NUP88: variants seen among roughly 807,000 people sequenced by gnomAD.
NUP88 encodes nuclear pore complex protein Nup88.
Under a neutral mutation model 93.9 loss-of-function variants are expected in NUP88, and 57 were observed. The ratio of observed to expected loss-of-function variants is 0.61; its 90% CI spans 0.49 to 0.76. The LOEUF (loss-of-function observed/expected upper bound fraction) is 0.76. Ranked by LOEUF, NUP88 falls within the 30% of genes least tolerant of loss-of-function variation. The probability of loss-of-function intolerance (pLI) is 0.00; values close to 1 mark genes in which losing one functional copy is unlikely to be tolerated. For missense variants in NUP88, 911 were observed against 901.0 expected (o/e 1.01, Z -0.14); for synonymous variants, 346 against 336.8 (o/e 1.03, Z -0.30).
rs745395510 is a variant in NUP88, at chr17:5,419,401, G to A, written c.250C>T (p.Arg84Trp). Reference protein sequence around the residue: ...EDSSFLVVRLRGPSGGGEEPA... With the variant: ...EDSSFLVVRLWGPSGGGEEPA... ...TCTTCGCCGCCGCCGCTGGGGCCCC[G>A]AAGGCGAACGACTAAGAAGGAGCTG... Residue 84 changes from arginine to tryptophan, a missense_variant, in exon 1 of 17, where the codon CGG (arginine) becomes TGG (tryptophan). Transcript: ENST00000573584. 6.2e-7 allele frequency: 1 copy of A among 1,610,342 alleles called. No homozygotes were observed. The highest frequency in any genetic ancestry group is 1.1e-5 in the South Asian group (1 of 90,906).
intron 16 of NUP88, 79 bp downstream of exon 16, chr17:5,386,629 T>C: frequency 1.0e-6 from 1 of 971,468 alleles, no homozygotes; most frequent in Non-Finnish European, 1.7e-6. Flanking sequence ...TTCAGGTTTC[T>C]ATTAAGACAG....
chr17:5,395,080 GA>G, intron 8 of NUP88, 99 bp from the exon 9 acceptor site: 1 of 737,486 alleles, frequency 1.4e-6, no homozygotes, highest in South Asian at 1.6e-5. Flanking sequence ...GTTCTTGTCT[GA>G]AAACATTGCT....
intron 8 of NUP88, among the ~76,000 whole-genome samples, chr17:5,398,449 TG>T (rs1256722765): frequency 6.6e-6 from 1 of 151,468 alleles, no homozygotes; most frequent in Non-Finnish European, 1.5e-5. Flanking sequence ...CCACCATGCC[TG>T]GCTAATTTTT....
chr17:5,410,826 TTC>T, intron 3 of NUP88, 37 bp from the exon 4 acceptor site: 2 of 1,404,948 alleles, frequency 1.4e-6, no homozygotes, highest in South Asian at 1.2e-5. Context: ...GCACTTAAAA[TTC>T]TGTTTTCATT....
intron 7 of NUP88, 53 bp downstream of exon 7, chr17:5,404,046 G>A: frequency 2.6e-6 from 4 of 1,541,108 alleles, no homozygotes; most frequent in Non-Finnish European, 3.6e-6. Flanking sequence ...GTCTATGATA[G>A]TCTTAGTATA....
chr17:5,410,722 T>C lies in NUP88; in HGVS notation c.661A>G (p.Ser221Gly), dbSNP rs765972702. 6.2e-7 allele frequency: 1 copy of C among 1,610,122 alleles called. No individual in the cohort carries two copies. The highest frequency in any genetic ancestry group is 2.2e-5 in the East Asian group (1 of 44,842). ...ACTTACCCTTTATTGAGTACTAGAC[T>C]TTCCTCTTCGGCTTCTGAAAGTATT... ...VIILSEAEEE[S>G]LVLNKGRAYT... is the part of the protein sequence containing the mutation. The change falls in exon 4 of 17, where the codon AGT (serine) becomes GGT (glycine). Residue 221 changes from serine (S) to glycine (G), a missense_variant. Coordinates refer to ENST00000573584, the MANE Select transcript of NUP88 (RefSeq NM_002532.6).
intron 7 of NUP88, among the ~76,000 whole-genome samples, chr17:5,402,115 T>C (rs994499163): frequency 2.0e-5 from 3 of 152,122 alleles, no homozygotes; most frequent in African/African-American, 7.2e-5. Context: ...GAGACCAGCC[T>C]GACCAACATG....
chr17:5,404,001 C>T, intron 7 of NUP88, 98 bp downstream of exon 7: 1 of 1,286,470 alleles, frequency 7.8e-7, no homozygotes, highest in Non-Finnish European at 1.1e-6. Flanking sequence ...TTTTTAAAGG[C>T]TGGAACCACA....
At position 5,388,828 on chromosome 17, in the gene NUP88, A is replaced by G. The variant is rs573923109; in HGVS notation, c.1617T>C (p.Arg539=). The part of the protein sequence containing the change: ...FEKHIRSILQ[R]SVANPAFLKA... ...TCAAAAATGCTGGATTGGCAACACT[A>G]CGTTGCAAAATGCTTCTAATATGCT... The change falls in exon 11 of 17, where the codon CGT becomes CGC. Residue 539 remains arginine, a synonymous_variant. Coordinates refer to ENST00000573584, the MANE Select transcript of NUP88 (RefSeq NM_002532.6). 5.7e-5 allele frequency: 92 copies of G among 1,614,024 alleles called. 3 individuals carry two copies. The South Asian group carries it at 9.7e-4, about 17-fold the overall frequency.
rs1017093274 is a variant in NUP88, at chr17:5,391,442, C to T, written c.1484+119G>A. 17 of 731,480 alleles carry T rather than the reference C, an allele frequency of 2.3e-5. No individual in the cohort carries two copies. The Admixed American group carries it at 2.5e-4, about 11-fold the overall frequency. The allele number at this position is 731,480 out of a possible 1,614,324, so 45.3% of individuals were successfully genotyped here. ...ATATCCATCCTTCCAACCCTCAAGT[C>T]AGAAGCCAAAGTATAAACCACACAT... On this transcript the variant is annotated intron_variant, in intron 10 of 16. Coordinates refer to ENST00000573584, the MANE Select transcript of NUP88 (RefSeq NM_002532.6).
Position 5,387,388 on chromosome 17 carries a change from G to A in NUP88, c.1914C>T (p.Asn638=). The change falls in exon 14 of 17, where the codon AAC becomes AAT. Residue 638 remains asparagine, a splice_region_variant and synonymous_variant. Coordinates refer to ENST00000573584, the MANE Select transcript of NUP88 (RefSeq NM_002532.6). ...EAKEKQEDIM[N]RMKKLLHSFH... Reference sequence around the variant, plus strand: ...TAAATGTTATACAGCCCACTGACCTGTTCATGATATCCTCTTGTTTTTCTT... The same window carrying A: ...TAAATGTTATACAGCCCACTGACCTATTCATGATATCCTCTTGTTTTTCTT... The A allele has an allele frequency of 6.2e-7, 1 of 1,612,802 alleles. No individual in the cohort carries two copies. The highest frequency in any genetic ancestry group is 8.5e-7 in the Non-Finnish European group (1 of 1,178,822).
At position 5,419,575 on chromosome 17, in the gene NUP88, G is replaced by A. The variant is rs778120675; in HGVS notation, c.76C>T (p.Arg26Trp). Residue 26 changes from arginine to tryptophan, a missense_variant, in exon 1 of 17, where the codon CGG (arginine) becomes TGG (tryptophan). Coordinates refer to ENST00000573584, the MANE Select transcript of NUP88 (RefSeq NM_002532.6). ...TWLPNHVVFL[R>W]LREGLKNQSP... ...TGGTTTTTCAGTCCCTCCCGGAGCC[G>A]CAAGAACACGACGTGGTTAGGAAGC... is the stretch of plus-strand genomic sequence containing the variant. 2 of 1,609,542 alleles carry A rather than the reference G, an allele frequency of 1.2e-6. No homozygotes were observed. The highest frequency in any genetic ancestry group is 2.2e-5 in the South Asian group (2 of 91,028).
At position 5,414,605 on chromosome 17, in the gene NUP88, T is replaced by C. The variant is rs541771488; in HGVS notation, c.468-471A>G. ...CATCTATTCAATCAATATCAAAGAA[T>C]TGAAATAAAAATATCTTCTAAATTA... On this transcript the variant is annotated intron_variant, in intron 2 of 16. Transcript: ENST00000573584. Among the ~76,000 whole-genome samples the C allele has an allele frequency of 6.8e-4, 103 of 152,302 alleles. 1 individual carries two copies. Among genetic ancestry groups the C allele is most frequent in the African/African-American group, 2.4e-3 (101 of 41,564 alleles).
intron 16 of NUP88, 131 bp from the exon 17 acceptor site, chr17:5,386,400 G>A: frequency 1.3e-6 from 1 of 747,374 alleles, no homozygotes; most frequent in South Asian, 1.8e-5. Context: ...AAGGTTTCAG[G>A]TGGATAGCAA....
chr17:5,388,105 ATTC>A (rs561522576), intron 11 of NUP88: 220 of 406,258 alleles, frequency 5.4e-4, no homozygotes, highest in Non-Finnish European at 8.3e-4. Context: ...GGTTCGAGCA[ATTC>A]TTCTGCCTCA....
chr17:5,419,261 C>T (rs1208242958), intron 1 of NUP88, 93 bp downstream of exon 1: 16 of 1,382,146 alleles, frequency 1.2e-5, no homozygotes, highest in Non-Finnish European at 1.5e-5. Context: ...GGAACGCCTG[C>T]CACAAGATGA....
At chr17:5,407,691 T>A (rs542264827) in intron 5 of NUP88, among the ~76,000 whole-genome samples, 6 of 152,334 alleles carry the variant, frequency 3.9e-5, no homozygotes, top group Admixed American at 3.3e-4. Flanking sequence ...CAATACTATC[T>A]TACACTGATT....
chr17:5,393,104 C>T (rs1912545348), intron 9 of NUP88, among the ~76,000 whole-genome samples: 1 of 142,952 alleles, frequency 7.0e-6, no homozygotes, highest in Non-Finnish European at 1.5e-5. Context: ...AGGTGCCCGC[C>T]ACTACACCCA....
In NUP88 at chr17:5,419,599, G is replaced by C. The variant is rs1485310460; in HGVS notation, c.52C>G (p.Leu18Val). ...VGDGELWQTWLPNHVVFLRLR... is the reference protein window; with the variant it reads ...VGDGELWQTWVPNHVVFLRLR... ...CGCAAGAACACGACGTGGTTAGGAAGCCAGGTCTGCCACAGCTCGCCGTCG... is the reference window on the plus strand; with the variant it reads ...CGCAAGAACACGACGTGGTTAGGAACCCAGGTCTGCCACAGCTCGCCGTCG... Residue 18 changes from leucine to valine, a missense_variant, in exon 1 of 17, where the codon CTT (leucine) becomes GTT (valine). Physicochemically the swap from Leu to Val is conservative, Grantham distance 32. Transcript: ENST00000573584. 3 of 1,603,626 alleles carry C rather than the reference G, an allele frequency of 1.9e-6. No homozygotes were observed. The African/African-American group carries it at 4.0e-5, about 21-fold the overall frequency.
Sources: allele counts gnomAD v4.1 joint callset (sites outside exome capture counted in the v4.1 genomes callset), GRCh38; gene constraint gnomAD v4.1.1; transcripts MANE v1.5; gene names NCBI Gene and HGNC (gene_info 2026-07-23, HGNC 2026-07-21).